Variants in RFX3 observed in about 807,000 individuals in gnomAD.
RFX3 encodes regulatory factor X3.
A neutral mutation model predicts 98.6 loss-of-function variants in RFX3; 14 were observed. The ratio of observed to expected loss-of-function variants is 0.14; its 90% CI spans 0.09 to 0.22. RFX3 has a LOEUF of 0.22. Among genes scored for constraint, RFX3 ranks in the 10% least tolerant of loss-of-function variants. The pLI, the probability that RFX3 is intolerant of heterozygous loss-of-function variation, is 1.00. For synonymous variants in RFX3, 383 were observed against 328.4 expected, an observed-to-expected ratio of 1.17 and a Z score of -1.80; for missense variants, 639 against 926.9, an observed-to-expected ratio of 0.69 and a Z score of 4.03.
chr9:3,422,933 T>C (rs905615871), intron 1 of RFX3, among the ~76,000 whole-genome samples: 2 of 152,124 alleles, frequency 1.3e-5, no homozygotes, highest in Admixed American at 6.5e-5. Flanking sequence ...AAAACCTCTA[T>C]AAAAATAGTA....
chr9:3,323,470 A>G, intron 4 of RFX3, among the ~76,000 whole-genome samples: 1 of 152,154 alleles, frequency 6.6e-6, no homozygotes, highest in East Asian at 1.9e-4. Context: ...TTTAAAAATT[A>G]TGTTAGTTTC....
chr9:3,279,904 G>T (rs1825713329), intron 7 of RFX3, among the ~76,000 whole-genome samples: 1 of 151,798 alleles, frequency 6.6e-6, no homozygotes, highest in African/African-American at 2.4e-5. Flanking sequence ...TGTGGGAGAT[G>T]AAAAATGCAT....
chr9:3,228,609 A>T (rs1818074170), intron 16 of RFX3, among the ~76,000 whole-genome samples: 1 of 152,230 alleles, frequency 6.6e-6, no homozygotes, highest in Non-Finnish European at 1.5e-5. Context: ...AAAAAGTATA[A>T]AGAATTTTAT....
Position 3,291,684 on chromosome 9 carries a change from G to A in RFX3, c.731+1393C>T, listed in dbSNP as rs1827374662. 2.0e-5 allele frequency among the ~76,000 whole-genome samples: 3 copies of A among 152,108 alleles called. No individual in the cohort carries two copies. The South Asian group carries it at 6.2e-4, about 32-fold the overall frequency. ...CTTTCGTTATAGGGGTCCTAGCCATGAGTCTTGTGGTGGTGAGAAAAAGAT... is the reference window on the plus strand; with the variant it reads ...CTTTCGTTATAGGGGTCCTAGCCATAAGTCTTGTGGTGGTGAGAAAAAGAT... On this transcript the variant is annotated intron_variant, in intron 6 of 16. Coordinates refer to ENST00000617270, the MANE Select transcript of RFX3 (RefSeq NM_001282116.2).
At chr9:3,297,112 G>T (rs908725200) in intron 5 of RFX3, among the ~76,000 whole-genome samples, 16 of 152,076 alleles carry the variant, frequency 1.1e-4, no homozygotes, top group Admixed American at 2.6e-4. Context: ...CCCAAGGGAA[G>T]TTAATGCCTG....
At chr9:3,364,182 A>G (rs1044385562) in intron 2 of RFX3, 3 of 155,258 alleles carry the variant, frequency 1.9e-5, no homozygotes, top group African/African-American at 7.2e-5. Context: ...CCCATTTTCA[A>G]TTCTCTTTAA....
In RFX3 at chr9:3,221,087, T is replaced by A. The variant is rs1257423508; in HGVS notation, c.*3955A>T. 2 of 152,154 alleles carry A rather than the reference T, an allele frequency of 1.3e-5. No homozygotes were observed. The highest frequency in any genetic ancestry group is 2.9e-5 in the Non-Finnish European group (2 of 68,016). The allele number at this position is 152,154 out of a possible 1,614,324, so 9.4% of individuals were successfully genotyped here. A position where few individuals can be genotyped will look rare whatever the true frequency, so the allele number is the denominator to read the frequency against. ...GGATATAATAAAGGTCAATTTATTG[T>A]ATATAACCACTGCCTCAAATTGTAC... On this transcript the variant is annotated 3_prime_UTR_variant, in exon 17 of 17. Coordinates refer to ENST00000617270, the MANE Select transcript of RFX3 (RefSeq NM_001282116.2).
chr9:3,262,157 T>A (rs1190029487), intron 13 of RFX3, among the ~76,000 whole-genome samples: 1 of 152,150 alleles, frequency 6.6e-6, no homozygotes, highest in Non-Finnish European at 1.5e-5. Flanking sequence ...TTACGTACAG[T>A]TTATGTATTT....
At chr9:3,420,902 C>G in intron 1 of RFX3, 4 of 984,964 alleles carry the variant, frequency 4.1e-6, no homozygotes, top group Non-Finnish European at 4.8e-6. Context: ...TGGGTCAAAT[C>G]TGAAACCAGC....
chr9:3,319,396 T>G (rs1470530562), intron 4 of RFX3, among the ~76,000 whole-genome samples: 1 of 152,090 alleles, frequency 6.6e-6, no homozygotes, highest in Non-Finnish European at 1.5e-5. Context: ...CAATGACTAC[T>G]TAAGGGAATA....
At chr9:3,362,644 T>TA (rs2131404117) in intron 2 of RFX3, among the ~76,000 whole-genome samples, 1 of 152,304 alleles carries the variant, frequency 6.6e-6, no homozygotes, top group African/African-American at 2.4e-5. Flanking sequence ...AGCATAAGTG[T>TA]AATAGTGTTA....
intron 1 of RFX3, among the ~76,000 whole-genome samples, chr9:3,460,732 T>C (rs1439849025): frequency 2.0e-5 from 3 of 150,988 alleles, no homozygotes; most frequent in East Asian, 2.0e-4. Flanking sequence ...TAGGTAGTTA[T>C]AGGCTACACA....
chr9:3,368,765 T>C lies in RFX3; in HGVS notation c.118-22001A>G, dbSNP rs1180488408. ...CTGCCTGGAACCCTTCAACAAAGAA[T>C]GACTCCTAAGTACTGTAGTTTATAA... On this transcript the variant is annotated intron_variant, in intron 2 of 16. Coordinates refer to ENST00000617270, the MANE Select transcript of RFX3 (RefSeq NM_001282116.2). Among the ~76,000 whole-genome samples, 5 of 152,274 alleles carry C rather than the reference T, an allele frequency of 3.3e-5. No individual in the cohort carries two copies. In the East Asian group the frequency reaches 9.7e-4, roughly 29 times the overall value.
chr9:3,476,044 T>C (rs1281350082), intron 1 of RFX3, among the ~76,000 whole-genome samples: 1 of 152,160 alleles, frequency 6.6e-6, no homozygotes, highest in African/African-American at 2.4e-5. Flanking sequence ...TGGTCACTTC[T>C]CACTATGTCC....
intron 1 of RFX3, among the ~76,000 whole-genome samples, chr9:3,472,867 T>C (rs1848895194): frequency 6.6e-6 from 1 of 152,208 alleles, no homozygotes. Flanking sequence ...GTACATTATG[T>C]AGTTTTCTAT....
intron 9 of RFX3, among the ~76,000 whole-genome samples, chr9:3,274,174 C>T (rs953739428): frequency 1.3e-5 from 2 of 152,112 alleles, no homozygotes; most frequent in African/African-American, 4.8e-5. Context: ...AGAGAACCTG[C>T]CCTTGGTGGT....
At chr9:3,474,588 T>C (rs1020742537) in intron 1 of RFX3, among the ~76,000 whole-genome samples, 1 of 152,202 alleles carries the variant, frequency 6.6e-6, no homozygotes. Context: ...CTCCAATTTA[T>C]AGATGAGATT....
chr9:3,368,643 G>T (rs1837479914), intron 2 of RFX3, among the ~76,000 whole-genome samples: 1 of 152,056 alleles, frequency 6.6e-6, no homozygotes, highest in Non-Finnish European at 1.5e-5. Flanking sequence ...AGATATTATT[G>T]ACCTAATTAC....
intron 4 of RFX3, among the ~76,000 whole-genome samples, chr9:3,326,106 G>A (rs893163466): frequency 7.2e-5 from 11 of 151,752 alleles, no homozygotes; most frequent in South Asian, 2.1e-4. Context: ...AATATTATCC[G>A]CAGGAAATGC....
Sources: gnomAD v4.1 joint callset for allele counts (sites outside exome capture counted in the v4.1 genomes callset) on GRCh38, gnomAD v4.1.1 for gene constraint, MANE v1.5 for transcripts, NCBI Gene and HGNC (gene_info 2026-07-23, HGNC 2026-07-21) for gene names.